The following OR6N1 variants were observed in gnomAD, a reference collection of about 807,000 sequenced individuals.
OR6N1 encodes olfactory receptor 6N1.
For synonymous variants in OR6N1, 170 were observed against 150.7 expected, an observed-to-expected ratio of 1.13 and a Z score of -0.94; for missense variants, 394 against 371.7, an observed-to-expected ratio of 1.06 and a Z score of -0.49.
At chr1:158,768,466 G>C (rs1657332678) in intron 1 of OR6N1, among the ~76,000 whole-genome samples, 1 of 151,984 alleles carries the variant, frequency 6.6e-6, no homozygotes, top group African/African-American at 2.4e-5. Flanking sequence ...ATATATCCAG[G>C]AACTGACTAT....
At chr1:158,784,031 G>A in the OR6N1 span, among the ~76,000 whole-genome samples, 2 of 152,070 alleles carry the variant, frequency 1.3e-5, no homozygotes, top group African/African-American at 2.4e-5. Context: ...GCATGAAACC[G>A]GGAGGCGGAG....
the OR6N1 span, among the ~76,000 whole-genome samples, chr1:158,786,890 G>A: frequency 1.3e-5 from 2 of 152,282 alleles, no homozygotes; most frequent in South Asian, 4.1e-4. Flanking sequence ...ATTGGGTATG[G>A]TGCACACTGC....
At chr1:158,808,648 A>G in the OR6N1 span, 1 of 152,904 alleles carries the variant, frequency 6.5e-6, no homozygotes, top group African/African-American at 2.4e-5. Context: ...CACTACTGGC[A>G]GCTGAGGGTA....
At chr1:158,780,417 T>C in the OR6N1 span, among the ~76,000 whole-genome samples, 1 of 152,190 alleles carries the variant, frequency 6.6e-6, no homozygotes, top group African/African-American at 2.4e-5. Context: ...TGTAAGGCCT[T>C]CTCTGGGATA....
the OR6N1 span, among the ~76,000 whole-genome samples, chr1:158,823,986 C>A: frequency 6.6e-6 from 1 of 152,126 alleles, no homozygotes; most frequent in Non-Finnish European, 1.5e-5. Context: ...CAATCAGGAG[C>A]AAGTTGCTTA....
the OR6N1 span, among the ~76,000 whole-genome samples, chr1:158,802,632 C>A: frequency 6.6e-6 from 1 of 152,138 alleles, no homozygotes; most frequent in African/African-American, 2.4e-5. Context: ...AGCACAGGCA[C>A]CACTATCACT....
Position 158,765,385 on chromosome 1 carries a change from C to A in OR6N1, c.*359G>T. On this transcript the variant is annotated 3_prime_UTR_variant, in exon 2 of 2. Transcript: ENST00000641846. Reference sequence around the variant, plus strand: ...GAATCACATTTTGTTTAGGACATGCCTGACTATATTTATATTAAGTCAAGT... The same window carrying A: ...GAATCACATTTTGTTTAGGACATGCATGACTATATTTATATTAAGTCAAGT... 5.7e-6 allele frequency: 1 copy of A among 175,130 alleles called. No individual in the cohort carries two copies. The highest frequency in any genetic ancestry group is 1.2e-5 in the Non-Finnish European group (1 of 81,940). The allele number at this position is 175,130 out of a possible 1,614,324, so 10.8% of individuals were successfully genotyped here.
chr1:158,808,304 A>ATT, the OR6N1 span: 1 of 150,744 alleles, frequency 6.6e-6, no homozygotes, highest in African/African-American at 2.4e-5. Context: ...AGCCTGGCTA[A>ATT]TTTTTTTTGT....
the OR6N1 span, chr1:158,831,329 C>T: frequency 6.6e-6 from 1 of 152,172 alleles, no homozygotes; most frequent in Admixed American, 6.5e-5. Flanking sequence ...TACATAACTT[C>T]TTTCTAGTTA....
the OR6N1 span, among the ~76,000 whole-genome samples, chr1:158,808,031 G>C: frequency 6.7e-6 from 1 of 148,254 alleles, no homozygotes; most frequent in African/African-American, 2.5e-5. Context: ...AAGCCAACCA[G>C]CTGATTCTCA....
the OR6N1 span, among the ~76,000 whole-genome samples, chr1:158,783,953 A>G: frequency 6.6e-6 from 1 of 152,082 alleles, no homozygotes; most frequent in African/African-American, 2.4e-5. Flanking sequence ...AAAAATACAA[A>G]AAATTAGCCG....
chr1:158,816,850 A>G, the OR6N1 span, among the ~76,000 whole-genome samples: 1 of 152,228 alleles, frequency 6.6e-6, no homozygotes, highest in African/African-American at 2.4e-5. Flanking sequence ...CGTTGTAATC[A>G]TAGGATCAAA....
At chr1:158,782,840 C>T in the OR6N1 span, among the ~76,000 whole-genome samples, 2 of 152,014 alleles carry the variant, frequency 1.3e-5, no homozygotes, top group Non-Finnish European at 2.9e-5. Context: ...ATTGTGGTCA[C>T]AGAGTGACTT....
chr1:158,809,947 G>T, the OR6N1 span, among the ~76,000 whole-genome samples: 1 of 152,110 alleles, frequency 6.6e-6, no homozygotes. Flanking sequence ...TCTCGAAAAG[G>T]AAAACCGTGA....
chr1:158,811,302 C>A, the OR6N1 span, among the ~76,000 whole-genome samples: 1 of 152,314 alleles, frequency 6.6e-6, no homozygotes, highest in Admixed American at 6.5e-5. Context: ...ATCTCCATCA[C>A]CACTACCCTC....
chr1:158,782,416 T>C, the OR6N1 span, among the ~76,000 whole-genome samples: 1 of 152,204 alleles, frequency 6.6e-6, no homozygotes, highest in Non-Finnish European at 1.5e-5. Context: ...GAGAATTAAA[T>C]GACAGGACAA....
chr1:158,775,302 G>A (rs1225358172), upstream of OR6N1: 1 of 152,168 alleles, frequency 6.6e-6, no homozygotes, highest in Admixed American at 6.6e-5. Context: ...TAGGAGGAGT[G>A]AACCAAATGA....
At chr1:158,830,240 A>G in the OR6N1 span, among the ~76,000 whole-genome samples, 1 of 152,202 alleles carries the variant, frequency 6.6e-6, no homozygotes, top group African/African-American at 2.4e-5. Context: ...TGCTCGAAGC[A>G]TCAGCATAAG....
rs1056827331 is a variant in OR6N1, at chr1:158,766,236, C to G, written c.447G>C (p.Trp149Cys). 1.2e-6 allele frequency: 2 copies of G among 1,614,066 alleles called. No homozygotes were observed. The highest frequency in any genetic ancestry group is 1.3e-5 in the African/African-American group (1 of 75,024). Residue 149 changes from tryptophan to cysteine, a missense_variant, in exon 2 of 2, where the codon TGG becomes TGC. Transcript: ENST00000641846. ...TLCAEIAIGC[W>C]LGGLAGPVVE... ...CTACTGGCCCAGCCAAGCCTCCCAACCAACAGCCAATGGCAATCTCTGCAC... is the reference window on the plus strand; with the variant it reads ...CTACTGGCCCAGCCAAGCCTCCCAAGCAACAGCCAATGGCAATCTCTGCAC...
Sources: gnomAD v4.1 joint callset for allele counts (sites outside exome capture counted in the v4.1 genomes callset) on GRCh38, gnomAD v4.1.1 for gene constraint, MANE v1.5 for transcripts, NCBI Gene and HGNC (gene_info 2026-07-23, HGNC 2026-07-21) for gene names.